Variants in ANKFN1 observed in about 807,000 individuals in gnomAD.
The protein encoded by ANKFN1 is ankyrin repeat and fibronectin type III domain containing 1, also known as ankyrin repeat and fibronectin type-III domain-containing protein 1.
A neutral mutation model predicts 108.7 loss-of-function variants in ANKFN1; 74 were observed. That is an observed-to-expected ratio of 0.68 (90% CI 0.56 to 0.83). The LOEUF (loss-of-function observed/expected upper bound fraction) is 0.83, where lower values mean the gene tolerates loss of function less well. Ranked by LOEUF, ANKFN1 falls within the 40% of genes least tolerant of loss-of-function variation. The pLI, the probability that ANKFN1 is intolerant of heterozygous loss-of-function variation, is 0.00. For synonymous variants in ANKFN1, 547 were observed against 516.2 expected (o/e 1.06, Z -0.81); for missense variants, 1,505 against 1,382.3 (o/e 1.09, Z -1.41).
intron 8 of ANKFN1, among the ~76,000 whole-genome samples, chr17:56,408,029 G>A (rs2047975411): frequency 6.7e-6 from 1 of 149,838 alleles, no homozygotes; most frequent in African/African-American, 2.5e-5. Context: ...CCGCCTCCCG[G>A]GTTCAAGCGA....
intron 2 of ANKFN1, among the ~76,000 whole-genome samples, chr17:56,213,837 A>C (rs181853599): frequency 7.0e-4 from 106 of 152,346 alleles, no homozygotes; most frequent in Middle Eastern, 3.4e-3. Flanking sequence ...AGTTCACTTC[A>C]GTTCACTTAA....
intron 4 of ANKFN1, among the ~76,000 whole-genome samples, chr17:56,119,981 T>TG (rs1159623459): frequency 5.3e-5 from 8 of 152,148 alleles, no homozygotes; most frequent in African/African-American, 1.9e-4. Context: ...CGTCAAATCC[T>TG]TTCTCAGGTT....
intron 3 of ANKFN1, among the ~76,000 whole-genome samples, chr17:56,271,791 C>T (rs1182580608): frequency 6.6e-6 from 1 of 152,188 alleles, no homozygotes; most frequent in African/African-American, 2.4e-5. Flanking sequence ...GCATCCGGGG[C>T]TGGGTAAGCC....
intron 1 of ANKFN1, among the ~76,000 whole-genome samples, chr17:56,195,574 G>C (rs1913431806): frequency 1.3e-5 from 2 of 152,020 alleles, no homozygotes; most frequent in South Asian, 4.2e-4. Flanking sequence ...TAAACAACTA[G>C]CTCTGTAGGA....
At chr17:56,365,580 G>A (rs2046639587) in intron 6 of ANKFN1, among the ~76,000 whole-genome samples, 1 of 152,172 alleles carries the variant, frequency 6.6e-6, no homozygotes, top group African/African-American at 2.4e-5. Flanking sequence ...GAACCCCAAA[G>A]CCCTTTTACC....
intron 8 of ANKFN1, among the ~76,000 whole-genome samples, chr17:56,416,176 C>T (rs904168903): frequency 2.6e-5 from 4 of 152,028 alleles, no homozygotes; most frequent in African/African-American, 4.8e-5. Flanking sequence ...AGTAATATCC[C>T]GCAAGCATAG....
intron 8 of ANKFN1, among the ~76,000 whole-genome samples, chr17:56,418,925 T>C (rs2048318182): frequency 6.6e-6 from 1 of 152,194 alleles, no homozygotes; most frequent in Non-Finnish European, 1.5e-5. Flanking sequence ...TTTCTTGAGT[T>C]TGCAGAAGTT....
At chr17:56,456,402 T>TC (rs11407114) in intron 11 of ANKFN1, among the ~76,000 whole-genome samples, 16 of 12,424 alleles carry the variant, frequency 1.3e-3, no homozygotes, top group East Asian at 0.016. Flanking sequence ...TTTTTTTCTC[T>TC]TTTTTTTTTT....
intron 10 of ANKFN1, 43 bp downstream of exon 10, chr17:56,442,976 C>G (rs1156594394): frequency 6.3e-7 from 1 of 1,585,352 alleles, no homozygotes; most frequent in East Asian, 2.2e-5. Context: ...GTAACAGACT[C>G]CAACTGCAAC....
At chr17:56,215,601 G>A (rs1915364547) in intron 2 of ANKFN1, among the ~76,000 whole-genome samples, 1 of 152,204 alleles carries the variant, frequency 6.6e-6, no homozygotes, top group African/African-American at 2.4e-5. Context: ...ACTTGGCAGA[G>A]GAGGTGCGAT....
At chr17:56,384,503 A>G (rs531016703) in intron 8 of ANKFN1, among the ~76,000 whole-genome samples, 1 of 152,338 alleles carries the variant, frequency 6.6e-6, no homozygotes, top group African/African-American at 2.4e-5. Context: ...AAGGAAATAA[A>G]GGGTATTCAA....
chr17:56,196,190 A>C, intron 1 of ANKFN1, among the ~76,000 whole-genome samples: 1 of 152,210 alleles, frequency 6.6e-6, no homozygotes, highest in East Asian at 1.9e-4. Context: ...CAAGAGGTTG[A>C]GGCTGCAGTT....
intron 3 of ANKFN1, among the ~76,000 whole-genome samples, chr17:56,286,661 C>T (rs573338866): frequency 4.6e-5 from 7 of 152,150 alleles, no homozygotes; most frequent in Non-Finnish European, 7.4e-5. Flanking sequence ...CTTTATATGA[C>T]GTAGACTCAC....
chr17:56,088,568 C>A (rs558925029), intron 4 of ANKFN1, among the ~76,000 whole-genome samples: 5 of 151,028 alleles, frequency 3.3e-5, no homozygotes, highest in Non-Finnish European at 7.4e-5. Flanking sequence ...CTCCCCATCC[C>A]CCAGTACTGC....
At chr17:56,398,439 C>T (rs2047651922) in intron 8 of ANKFN1, among the ~76,000 whole-genome samples, 2 of 152,118 alleles carry the variant, frequency 1.3e-5, no homozygotes, top group African/African-American at 4.8e-5. Flanking sequence ...ACCTTGAGTA[C>T]AAAGGTCATA....
chr17:56,386,923 A>G (rs980117891), intron 8 of ANKFN1, among the ~76,000 whole-genome samples: 15 of 152,100 alleles, frequency 9.9e-5, no homozygotes, highest in African/African-American at 3.6e-4. Flanking sequence ...TGATTTTACT[A>G]TATTTTTCCT....
chr17:56,312,526 C>T (rs946780549), intron 3 of ANKFN1, among the ~76,000 whole-genome samples: 5 of 152,298 alleles, frequency 3.3e-5, no homozygotes, highest in South Asian at 2.1e-4. Flanking sequence ...CTCCTAATCC[C>T]GGCTGCCCTA....
rs61556880 is a variant in ANKFN1 at position 56,188,581 on chromosome 17, GTATATATA to G, written c.-70-23989_-70-23982del. ...TGTGTGTATGTGTGTGTGTGTGTGTGTATATATATATATATATATATATATATATATAT... is the reference window on the plus strand; with the variant it reads ...TGTGTGTATGTGTGTGTGTGTGTGTGTATATATATATATATATATATATAT... On this transcript the variant is annotated intron_variant, in intron 1 of 20. Transcript: ENST00000682825. Among the ~76,000 whole-genome samples, 155 of 49,650 alleles carry G rather than the reference GTATATATA, an allele frequency of 3.1e-3. 2 individuals carry two copies. Among genetic ancestry groups the G allele is most frequent in the African/African-American group, 0.014 (140 of 9,894 alleles). The allele number at this position is 49,650 out of a possible 152,430, so 32.6% of individuals were successfully genotyped here. A position where few individuals can be genotyped will look rare whatever the true frequency, so the allele number is the denominator to read the frequency against.
chr17:56,058,940 G>T (rs1450855372), intron 4 of ANKFN1, among the ~76,000 whole-genome samples: 1 of 152,174 alleles, frequency 6.6e-6, no homozygotes, highest in Non-Finnish European at 1.5e-5. Context: ...AACCCTTTGG[G>T]TATAAACCAA....
Sources: gnomAD v4.1 joint callset for allele counts (sites outside exome capture counted in the v4.1 genomes callset) on GRCh38, gnomAD v4.1.1 for gene constraint, MANE v1.5 for transcripts, NCBI Gene and HGNC (gene_info 2026-07-23, HGNC 2026-07-21) for gene names.